CEMIP: variants seen among roughly 807,000 people sequenced by gnomAD.
CEMIP encodes cell migration inducing hyaluronidase 1.
In CEMIP, 105 loss-of-function variants were observed where a neutral mutation model predicts 156.9. The ratio of observed to expected loss-of-function variants is 0.67; its 90% CI spans 0.57 to 0.79. The LOEUF is 0.79. Ranked by LOEUF, CEMIP falls within the 30% of genes least tolerant of loss-of-function variation. The pLI is 0.00. For missense variants in CEMIP, 1,457 were observed against 1,769.4 expected, an observed-to-expected ratio of 0.82 and a Z score of 3.17; for synonymous variants, 676 against 668.4, an observed-to-expected ratio of 1.01 and a Z score of -0.17.
chr15:80,889,466 C>T lies in CEMIP; in HGVS notation c.965-5C>T, dbSNP rs776688617. The T allele has an allele frequency of 5.0e-6, 8 of 1,613,762 alleles. No individual in the cohort carries two copies. In the Admixed American group the frequency reaches 1.0e-4, roughly 20 times the overall value. Reference sequence around the variant, plus strand: ...GTCTGACTGTGCTGTTTGCTTTCTGCCTAGACGTGGAGTGGACGGAGTGGT... The same window carrying T: ...GTCTGACTGTGCTGTTTGCTTTCTGTCTAGACGTGGAGTGGACGGAGTGGT... On this transcript the variant is annotated splice_polypyrimidine_tract_variant and splice_region_variant and intron_variant, in intron 9 of 29. Coordinates refer to ENST00000394685, the MANE Select transcript of CEMIP (RefSeq NM_001293298.2).
intron 1 of CEMIP, among the ~76,000 whole-genome samples, chr15:80,865,204 C>G (rs1156760613): frequency 6.6e-6 from 1 of 152,044 alleles, no homozygotes; most frequent in Non-Finnish European, 1.5e-5. Context: ...TTTTTTGAGA[C>G]AGAGTCTCGC....
intron 27 of CEMIP, 51 bp downstream of exon 27, chr15:80,942,388 T>C (rs1596210789): frequency 6.8e-7 from 1 of 1,471,212 alleles, no homozygotes; most frequent in Non-Finnish European, 9.5e-7. Flanking sequence ...TGAGAGGTGA[T>C]ACTGTGTCCT....
At chr15:80,900,588 GT>G (rs1567090733) in intron 12 of CEMIP, among the ~76,000 whole-genome samples, 88 of 56,948 alleles carry the variant, frequency 1.5e-3, no homozygotes, top group South Asian at 2.7e-3. Flanking sequence ...AGGTAGGGGT[GT>G]GTGTGTGTGT....
intron 28 of CEMIP, among the ~76,000 whole-genome samples, chr15:80,943,959 G>A (rs4778870): frequency 2.6e-5 from 4 of 152,094 alleles, no homozygotes; most frequent in African/African-American, 9.7e-5. Context: ...TCGCCTCCTC[G>A]GTGAGGTCTT....
Position 80,929,151 on chromosome 15 carries a change from C to A in CEMIP, c.2589C>A (p.Ser863Arg). 1 of 1,614,116 alleles carries A rather than the reference C, an allele frequency of 6.2e-7. No homozygotes were observed. Among genetic ancestry groups the A allele is most frequent in the Non-Finnish European group, 8.5e-7 (1 of 1,180,026 alleles). Residue 863 changes from serine (S) to arginine (R), a missense_variant, in exon 21 of 30, where the codon AGC (serine) becomes AGA (arginine). Transcript: ENST00000394685. The stretch of plus-strand genomic sequence containing the variant: ...GGGGCCCTGGCGGCTTGGACCATAG[C>A]GGAAGGACCCTCCCTATAGGCCAGT... ...RIWGPGGLDH[S>R]GRTLPIGQNF...
intron 1 of CEMIP, among the ~76,000 whole-genome samples, chr15:80,838,970 A>G (rs1897326200): frequency 2.0e-5 from 3 of 152,148 alleles, no homozygotes; most frequent in South Asian, 4.1e-4. Context: ...CTGAGGTATT[A>G]GGGGGTTTAA....
chr15:80,886,284 G>A (rs753947943), intron 7 of CEMIP, among the ~76,000 whole-genome samples: 6 of 152,098 alleles, frequency 3.9e-5, no homozygotes, highest in Non-Finnish European at 8.8e-5. Flanking sequence ...GGCAGTATAT[G>A]AGAGAGGCAA....
Position 80,906,930 on chromosome 15 carries a change from T to A in CEMIP, c.1587+92T>A, listed in dbSNP as rs1899832446. On this transcript the variant is annotated intron_variant, in intron 13 of 29. Coordinates refer to ENST00000394685, the MANE Select transcript of CEMIP (RefSeq NM_001293298.2). The surrounding 1 kb of genome is among the most constrained non-coding windows in gnomAD (Gnocchi z 4.3). ...CGGGCCTTCTTGGTAGGGATGAGGG[T>A]GGGGGAACAGGAGGTGGGATCAAGG... 3 of 1,398,738 alleles carry A rather than the reference T, an allele frequency of 2.1e-6. No homozygotes were observed. The African/African-American group carries it at 4.3e-5, about 20-fold the overall frequency. The allele number at this position is 1,398,738 out of a possible 1,614,324, so 86.6% of individuals were successfully genotyped here.
chr15:80,914,846 T>A (rs202089445), intron 14 of CEMIP, among the ~76,000 whole-genome samples: 1 of 17,354 alleles, frequency 5.8e-5, no homozygotes, highest in Non-Finnish European at 8.5e-4. Context: ...GAGACCGGAG[T>A]TTTTTTTATT....
At chr15:80,887,000 G>A (rs1898865832) in intron 7 of CEMIP, among the ~76,000 whole-genome samples, 1 of 152,206 alleles carries the variant, frequency 6.6e-6, no homozygotes, top group African/African-American at 2.4e-5. Context: ...AATATGCCAA[G>A]TTGCCATTTT....
chr15:80,917,928 T>C (rs1900330885), intron 14 of CEMIP, among the ~76,000 whole-genome samples: 1 of 152,188 alleles, frequency 6.6e-6, no homozygotes, highest in African/African-American at 2.4e-5. Flanking sequence ...TGTGGTCTGA[T>C]GATCCTTTTA....
intron 1 of CEMIP, among the ~76,000 whole-genome samples, chr15:80,873,077 C>G (rs1449878238): frequency 2.0e-5 from 3 of 152,176 alleles, no homozygotes; most frequent in African/African-American, 7.2e-5. Context: ...AAGGGAATTT[C>G]CTGGAATTCA....
chr15:80,902,445 A>T (rs1218485895), intron 12 of CEMIP, among the ~76,000 whole-genome samples: 1 of 152,092 alleles, frequency 6.6e-6, no homozygotes, highest in African/African-American at 2.4e-5. Context: ...CTGAGGCAGG[A>T]TGGGGTGCGG....
rs542159063 is a variant in CEMIP, at chr15:80,848,889, C to T, written c.-175-24649C>T. Among the ~76,000 whole-genome samples the T allele has an allele frequency of 2.7e-3, 259 of 96,522 alleles. 2 individuals are homozygous for T. Among genetic ancestry groups the T allele is most frequent in the South Asian group, 5.0e-4 (1 of 2,000 alleles). The allele number at this position is 96,522 out of a possible 152,430, so 63.3% of individuals were successfully genotyped here. On this transcript the variant is annotated intron_variant, in intron 1 of 29. Transcript: ENST00000394685. ...CATGGTCAGTGTGTTCTCTGATGAG[C>T]GTGTGCGCGTGCACACACACACACA...
At chr15:80,937,646 C>T (rs1250702693) in intron 24 of CEMIP, 148 bp from the exon 25 acceptor site, 14 of 723,580 alleles carry the variant, frequency 1.9e-5, no homozygotes, top group African/African-American at 5.2e-5. Context: ...TCAGTCACCA[C>T]GACAGCAAAT....
intron 1 of CEMIP, among the ~76,000 whole-genome samples, chr15:80,825,937 A>G (rs1469890597): frequency 1.3e-5 from 2 of 152,184 alleles, no homozygotes; most frequent in Non-Finnish European, 2.9e-5. Context: ...TAAAGAAAAG[A>G]TTGTGGGCAC....
chr15:80,843,069 C>A (rs1897464974), intron 1 of CEMIP, among the ~76,000 whole-genome samples: 1 of 152,172 alleles, frequency 6.6e-6, no homozygotes, highest in South Asian at 2.1e-4. Context: ...GCTGGTGGGA[C>A]AACCAGGTAG....
At chr15:80,840,043 G>A (rs1466716957) in intron 1 of CEMIP, among the ~76,000 whole-genome samples, 1 of 152,178 alleles carries the variant, frequency 6.6e-6, no homozygotes, top group Non-Finnish European at 1.5e-5. Flanking sequence ...CTCCTCTAAG[G>A]GGCCCCCCAG....
Position 80,941,766 on chromosome 15 carries a change from A to G in CEMIP, c.3408-83A>G, listed in dbSNP as rs1901343754. The G allele has an allele frequency of 5.5e-6, 7 of 1,280,936 alleles. No homozygotes were observed. In the Admixed American group the frequency reaches 1.2e-4, roughly 22 times the overall value. The allele number at this position is 1,280,936 out of a possible 1,614,324, so 79.3% of individuals were successfully genotyped here. A position where few individuals can be genotyped will look rare whatever the true frequency, so the allele number is the denominator to read the frequency against. On this transcript the variant is annotated intron_variant, in intron 25 of 29. Transcript: ENST00000394685. ...TGGGTCTACCTGCTATGACCAGCTC[A>G]GAGTAAATGTCTCGGTGGGTGGGAG...
Sources: allele counts gnomAD v4.1 joint callset (sites outside exome capture counted in the v4.1 genomes callset), GRCh38; gene constraint gnomAD v4.1.1; non-coding constraint Gnocchi (gnomAD v3.1); transcripts MANE v1.5; gene names NCBI Gene and HGNC (gene_info 2026-07-23, HGNC 2026-07-21).